The following VPS13B variants were observed in gnomAD, a reference collection of about 807,000 sequenced individuals.
The protein encoded by VPS13B is vacuolar protein sorting 13 homolog B.
Under a neutral mutation model 426.4 loss-of-function variants are expected in VPS13B, and 285 were observed. The observed-to-expected ratio is 0.67, with a 90% CI of 0.61 to 0.74. The LOEUF is 0.74. Among genes scored for constraint, VPS13B ranks in the 30% least tolerant of loss-of-function variants. The pLI, the probability that VPS13B is intolerant of heterozygous loss-of-function variation, is 0.00. For missense variants in VPS13B, 4,537 were observed against 4,782.6 expected, an observed-to-expected ratio of 0.95 and a Z score of 1.51; for synonymous variants, 1,676 against 1,676.4, an observed-to-expected ratio of 1.00 and a Z score of 0.01.
At chr8:99,590,195 AT>A (rs1255569322) in intron 33 of VPS13B, among the ~76,000 whole-genome samples, 5 of 151,896 alleles carry the variant, frequency 3.3e-5, no homozygotes, top group Admixed American at 1.3e-4. Flanking sequence ...CACCTTTATC[AT>A]TTTTTTATTG....
intron 19 of VPS13B, among the ~76,000 whole-genome samples, chr8:99,305,234 A>G (rs1346450763): frequency 6.6e-6 from 1 of 152,118 alleles, no homozygotes; most frequent in African/African-American, 2.4e-5. Flanking sequence ...GTATCAATGC[A>G]TTCCACATTT....
At chr8:99,621,820 CTTTTTTTTTT>C (rs749078781) in intron 33 of VPS13B, among the ~76,000 whole-genome samples, 4 of 83,256 alleles carry the variant, frequency 4.8e-5, no homozygotes, top group Admixed American at 1.7e-4. Flanking sequence ...TGTTTTGTTT[CTTTTTTTTTT>C]TTTTTTTTTT....
intron 43 of VPS13B, among the ~76,000 whole-genome samples, chr8:99,793,811 G>A (rs1812678743): frequency 6.6e-6 from 1 of 152,202 alleles, no homozygotes; most frequent in Non-Finnish European, 1.5e-5. Flanking sequence ...CAAATTTGAA[G>A]CCATAAATAC....
chr8:99,766,004 G>A (rs1811198801), intron 39 of VPS13B, among the ~76,000 whole-genome samples: 1 of 142,954 alleles, frequency 7.0e-6, no homozygotes, highest in African/African-American at 2.6e-5. Context: ...CAAGTGACTA[G>A]TTAGTTCTTG....
At chr8:99,379,431 A>C (rs1044058739) in intron 19 of VPS13B, among the ~76,000 whole-genome samples, 2 of 151,878 alleles carry the variant, frequency 1.3e-5, no homozygotes, top group Admixed American at 6.6e-5. Context: ...AATTTTCAGG[A>C]ATTATTTTGG....
intron 19 of VPS13B, among the ~76,000 whole-genome samples, chr8:99,301,717 G>C (rs1248348441): frequency 6.6e-6 from 1 of 152,172 alleles, no homozygotes; most frequent in East Asian, 1.9e-4. Flanking sequence ...AGAACTTAGA[G>C]TCCTTGTTTC....
Position 99,028,192 on chromosome 8 carries a change from A to G in VPS13B, c.148-10231A>G, listed in dbSNP as rs1842236720. Among the ~76,000 whole-genome samples, 3 of 151,642 alleles carry G rather than the reference A, an allele frequency of 2.0e-5. No homozygotes were observed. The East Asian group carries it at 5.9e-4, about 30-fold the overall frequency. On this transcript the variant is annotated intron_variant, in intron 2 of 61. Coordinates refer to ENST00000357162, the MANE Select transcript of VPS13B (RefSeq NM_152564.5). ...CGCCTTTCTATTCCACAAAACCGCCATTGTCATCATGACCCATCCCCAATG... is the reference window on the plus strand; with the variant it reads ...CGCCTTTCTATTCCACAAAACCGCCGTTGTCATCATGACCCATCCCCAATG...
intron 19 of VPS13B, among the ~76,000 whole-genome samples, chr8:99,299,512 A>G (rs1009126350): frequency 2.6e-5 from 4 of 152,140 alleles, no homozygotes; most frequent in Admixed American, 2.0e-4. Flanking sequence ...CATTTTTACC[A>G]GCAGATTAAC....
chr8:99,668,768 G>A (rs1830586132), intron 35 of VPS13B, among the ~76,000 whole-genome samples: 1 of 152,144 alleles, frequency 6.6e-6, no homozygotes, highest in African/African-American at 2.4e-5. Flanking sequence ...TCTCCAGCAG[G>A]TGATAGATTA....
rs758482936 is a variant in VPS13B, at chr8:99,876,799, G to A, written c.*1133G>A. The stretch of plus-strand genomic sequence containing the variant: ...TATTACATTTAAACTTGGGGCTACA[G>A]CTTGTTACCTAGAATTTTGAGATAC... On this transcript the variant is annotated 3_prime_UTR_variant, in exon 62 of 62. Coordinates refer to ENST00000357162, the MANE Select transcript of VPS13B (RefSeq NM_152564.5). The A allele has an allele frequency of 1.3e-5, 2 of 152,202 alleles. No homozygotes were observed. The highest frequency in any genetic ancestry group is 6.5e-5 in the Admixed American group (1 of 15,282). The allele number at this position is 152,202 out of a possible 1,614,324, so 9.4% of individuals were successfully genotyped here.
chr8:99,763,135 C>CAAAAAAAAAAAAA (rs750289763), intron 39 of VPS13B, among the ~76,000 whole-genome samples: 19 of 35,840 alleles, frequency 5.3e-4, no homozygotes, highest in African/African-American at 2.2e-3. Flanking sequence ...GACCTTGTCT[C>CAAAAAAAAAAAAA]AAAAAAAAAA....
At chr8:99,401,377 T>A (rs1815028584) in intron 21 of VPS13B, among the ~76,000 whole-genome samples, 1 of 152,210 alleles carries the variant, frequency 6.6e-6, no homozygotes, top group Admixed American at 6.5e-5. Context: ...AATAATAAAA[T>A]TTTTAAACCT....
chr8:99,668,692 T>C (rs1444400020), intron 35 of VPS13B, among the ~76,000 whole-genome samples: 1 of 152,050 alleles, frequency 6.6e-6, no homozygotes, highest in Non-Finnish European at 1.5e-5. Flanking sequence ...CTTGTACCCA[T>C]TAGCAAGGTC....
intron 19 of VPS13B, among the ~76,000 whole-genome samples, chr8:99,317,263 C>A (rs961414613): frequency 1.3e-5 from 2 of 151,844 alleles, no homozygotes; most frequent in Non-Finnish European, 2.9e-5. Flanking sequence ...ATTATTTGTA[C>A]TTATTTATGG....
At chr8:99,639,378 G>A (rs1047223543) in intron 33 of VPS13B, among the ~76,000 whole-genome samples, 7 of 152,082 alleles carry the variant, frequency 4.6e-5, no homozygotes, top group Non-Finnish European at 7.4e-5. Flanking sequence ...AATGTTCATC[G>A]GCTACAGCAA....
At chr8:99,474,438 C>T (rs185417243) in intron 24 of VPS13B, among the ~76,000 whole-genome samples, 214 of 152,060 alleles carry the variant, frequency 1.4e-3, no homozygotes, top group Non-Finnish European at 2.7e-3. Flanking sequence ...CCACCTGCCT[C>T]GGCCTCCCAA....
intron 19 of VPS13B, among the ~76,000 whole-genome samples, chr8:99,325,239 C>CT (rs1810183123): frequency 6.6e-6 from 1 of 152,202 alleles, no homozygotes. Context: ...GCATGAGCCA[C>CT]TGTGCTCGGC....
At chr8:99,532,117 G>C (rs1024022089) in intron 30 of VPS13B, among the ~76,000 whole-genome samples, 2 of 151,996 alleles carry the variant, frequency 1.3e-5, no homozygotes, top group African/African-American at 4.8e-5. Flanking sequence ...TCTGCATATA[G>C]GTTTTTGTTC....
At chr8:99,729,270 G>T (rs1833489675) in intron 39 of VPS13B, among the ~76,000 whole-genome samples, 1 of 152,152 alleles carries the variant, frequency 6.6e-6, no homozygotes, top group African/African-American at 2.4e-5. Context: ...CTCATGGTTT[G>T]TGTTGACCTC....
Sources: gnomAD v4.1 joint callset for allele counts (sites outside exome capture counted in the v4.1 genomes callset) on GRCh38, gnomAD v4.1.1 for gene constraint, MANE v1.5 for transcripts, NCBI Gene and HGNC (gene_info 2026-07-23, HGNC 2026-07-21) for gene names.